The following UST variants were observed in gnomAD, a reference collection of about 807,000 sequenced individuals.
UST encodes the protein uronyl 2-sulfotransferase.
UST carries 21 observed loss-of-function variants against 45.6 expected under a neutral mutation model. The observed-to-expected ratio is 0.46, with a 90% CI of 0.33 to 0.66. The LOEUF is 0.66. UST is among the 30% of genes least tolerant of loss of function. UST has a pLI of 0.02. For missense variants in UST, 463 were observed against 512.4 expected (o/e 0.90, Z 0.93); for synonymous variants, 215 against 200.6 (o/e 1.07, Z -0.61).
chr6:148,805,878 T>C (rs77686505), intron 1 of UST, among the ~76,000 whole-genome samples: 3,140 of 152,308 alleles, frequency 0.021, 103 homozygotes, highest in African/African-American at 0.07. Context: ...TGAAAAACTT[T>C]ATGGAGCCTG....
chr6:148,932,077 T>G (rs930718411), intron 2 of UST, among the ~76,000 whole-genome samples: 15 of 152,174 alleles, frequency 9.9e-5, no homozygotes, highest in African/African-American at 3.4e-4. Context: ...CAGTTTGAAT[T>G]TTAGAAACTG....
At chr6:148,781,626 A>G (rs1011981458) in intron 1 of UST, among the ~76,000 whole-genome samples, 3 of 152,160 alleles carry the variant, frequency 2.0e-5, no homozygotes, top group Non-Finnish European at 2.9e-5. Flanking sequence ...CAATGTAGAC[A>G]TAACAGCTTT....
intron 5 of UST, among the ~76,000 whole-genome samples, chr6:148,974,583 A>C (rs990247479): frequency 6.6e-6 from 1 of 152,216 alleles, no homozygotes; most frequent in Non-Finnish European, 1.5e-5. Context: ...TGGGGTCTTA[A>C]CTGGCTACAA....
chr6:148,998,319 A>G (rs1781487932), intron 5 of UST, among the ~76,000 whole-genome samples: 1 of 152,200 alleles, frequency 6.6e-6, no homozygotes, highest in Non-Finnish European at 1.5e-5. Flanking sequence ...TAAACTGTGG[A>G]GACGTGGACT....
At chr6:148,895,656 C>T (rs1276463058) in intron 2 of UST, among the ~76,000 whole-genome samples, 3 of 152,150 alleles carry the variant, frequency 2.0e-5, no homozygotes, top group South Asian at 4.1e-4. Flanking sequence ...GTAGTGAATC[C>T]ATCTCACAAG....
At chr6:149,070,398 C>T (rs1318731863) in intron 7 of UST, among the ~76,000 whole-genome samples, 1 of 152,166 alleles carries the variant, frequency 6.6e-6, no homozygotes, top group African/African-American at 2.4e-5. Context: ...GAACCCATTT[C>T]AGAAGAGTCT....
At chr6:148,773,907 T>C (rs774032850) in intron 1 of UST, among the ~76,000 whole-genome samples, 1 of 152,222 alleles carries the variant, frequency 6.6e-6, no homozygotes, top group Admixed American at 6.5e-5. Flanking sequence ...TTCCCTAAAA[T>C]TGATCTCCCT....
intron 5 of UST, among the ~76,000 whole-genome samples, chr6:149,017,296 G>T (rs368088184): frequency 6.6e-6 from 1 of 151,738 alleles, no homozygotes; most frequent in East Asian, 1.9e-4. Context: ...AGAATGGCGT[G>T]AACCCGGGAG....
At chr6:148,758,253 G>A (rs1020301184) in intron 1 of UST, among the ~76,000 whole-genome samples, 1 of 152,296 alleles carries the variant, frequency 6.6e-6, no homozygotes, top group Admixed American at 6.5e-5. Flanking sequence ...CACCTGACAA[G>A]TTCCGGTAAT....
chr6:149,034,411 C>G (rs1428922092), intron 7 of UST, among the ~76,000 whole-genome samples: 1 of 150,126 alleles, frequency 6.7e-6, no homozygotes, highest in African/African-American at 2.5e-5. Context: ...CGCAGAGGCC[C>G]TCTCCTCTTT....
intron 5 of UST, among the ~76,000 whole-genome samples, chr6:148,977,840 T>A (rs545992938): frequency 1.3e-5 from 2 of 151,458 alleles, no homozygotes; most frequent in South Asian, 4.2e-4. Flanking sequence ...ATACCCTGTG[T>A]GTTGGGTTTA....
At chr6:148,996,819 C>T (rs1190988342) in intron 5 of UST, among the ~76,000 whole-genome samples, 1 of 152,026 alleles carries the variant, frequency 6.6e-6, no homozygotes, top group Non-Finnish European at 1.5e-5. Context: ...TGGTCTGATT[C>T]ATGGGTAGTT....
At chr6:148,819,143 A>C (rs557031263) in intron 1 of UST, among the ~76,000 whole-genome samples, 2 of 152,378 alleles carry the variant, frequency 1.3e-5, no homozygotes, top group Non-Finnish European at 2.9e-5. Context: ...GCAGATTTGC[A>C]GAAGAAAGTA....
chr6:148,951,431 G>C (rs1780362292), intron 3 of UST, among the ~76,000 whole-genome samples: 1 of 152,094 alleles, frequency 6.6e-6, no homozygotes, highest in Non-Finnish European at 1.5e-5. Context: ...TTTATCTCCA[G>C]TGCCTAATAA....
chr6:148,966,655 C>T (rs374361830), intron 5 of UST, among the ~76,000 whole-genome samples: 1 of 152,238 alleles, frequency 6.6e-6, no homozygotes, highest in African/African-American at 2.4e-5. Context: ...CACACACTCA[C>T]ACAAATAATA....
Position 149,031,849 on chromosome 6 carries a change from G to A in UST, c.937+10368G>A, listed in dbSNP as rs145449650. On this transcript the variant is annotated intron_variant, in intron 7 of 7. Coordinates refer to ENST00000367463, the MANE Select transcript of UST (RefSeq NM_005715.3). ...CTGGAAGGCCGTCACTAACAGGGCT[G>A]GGGCGCATAACCCTGTGGAGACATT... is the stretch of plus-strand genomic sequence containing the variant. 1.6e-3 allele frequency among the ~76,000 whole-genome samples: 243 copies of A among 152,368 alleles called. 1 individual carries two copies. The highest frequency in any genetic ancestry group is 3.4e-3 in the Middle Eastern group (1 of 294).
At chr6:149,035,109 T>C (rs1194168315) in intron 7 of UST, among the ~76,000 whole-genome samples, 1 of 152,140 alleles carries the variant, frequency 6.6e-6, no homozygotes, top group Non-Finnish European at 1.5e-5. Flanking sequence ...GATTCATCCT[T>C]TCTATGCGCT....
At chr6:148,807,025 G>A (rs1777163938) in intron 1 of UST, among the ~76,000 whole-genome samples, 1 of 152,196 alleles carries the variant, frequency 6.6e-6, no homozygotes, top group Non-Finnish European at 1.5e-5. Context: ...TTAAACCACA[G>A]CAGTTTCCTT....
intron 1 of UST, among the ~76,000 whole-genome samples, chr6:148,818,335 T>C (rs1777394384): frequency 6.6e-6 from 1 of 152,200 alleles, no homozygotes; most frequent in Non-Finnish European, 1.5e-5. Flanking sequence ...GGACCCTCGA[T>C]GTGTACACAC....
Sources: allele counts gnomAD v4.1 joint callset (sites outside exome capture counted in the v4.1 genomes callset), GRCh38; gene constraint gnomAD v4.1.1; transcripts MANE v1.5; gene names NCBI Gene and HGNC (gene_info 2026-07-23, HGNC 2026-07-21).